Variants in CNTNAP5 observed in about 807,000 individuals in gnomAD.
The protein encoded by CNTNAP5 is contactin associated protein family member 5.
CNTNAP5 carries 72 observed loss-of-function variants against 150.2 expected under a neutral mutation model. The observed-to-expected ratio is 0.48, with a 90% confidence interval of 0.40 to 0.58. The LOEUF (loss-of-function observed/expected upper bound fraction) is 0.58. Among genes scored for constraint, CNTNAP5 ranks in the 20% least tolerant of loss-of-function variants. The pLI, the probability that CNTNAP5 is intolerant of heterozygous loss-of-function variation, is 0.00. For missense variants in CNTNAP5, 1,636 were observed against 1,626.2 expected, an observed-to-expected ratio of 1.01 and a Z score of -0.10; for synonymous variants, 672 against 619.8, an observed-to-expected ratio of 1.08 and a Z score of -1.25.
chr2:124,028,360 G>A (rs17010737), intron 1 of CNTNAP5, among the ~76,000 whole-genome samples: 19,704 of 151,920 alleles, frequency 0.13, 1,357 homozygotes, highest in East Asian at 0.26. Context: ...TAATCTGACC[G>A]AAACCTGGGC....
chr2:124,527,667 T>G (rs936701196), intron 10 of CNTNAP5, among the ~76,000 whole-genome samples: 3 of 152,226 alleles, frequency 2.0e-5, no homozygotes, highest in African/African-American at 7.2e-5. Context: ...TGACTTGCAG[T>G]AAATGGGATA....
intron 13 of CNTNAP5, among the ~76,000 whole-genome samples, chr2:124,675,785 A>T (rs1678927343): frequency 6.6e-6 from 1 of 151,972 alleles, no homozygotes. Flanking sequence ...TTCTTTAGAG[A>T]TATTTTTATT....
At chr2:124,070,908 C>CA (rs1175045470) in intron 1 of CNTNAP5, among the ~76,000 whole-genome samples, 1 of 151,958 alleles carries the variant, frequency 6.6e-6, no homozygotes, top group Admixed American at 6.6e-5. Flanking sequence ...TTCTTCTCCT[C>CA]AGCACACAGA....
chr2:124,651,205 G>A (rs780362210), intron 13 of CNTNAP5, among the ~76,000 whole-genome samples: 1 of 152,132 alleles, frequency 6.6e-6, no homozygotes, highest in Non-Finnish European at 1.5e-5. Flanking sequence ...TAGCCTACTG[G>A]CTATTGCTAA....
At chr2:124,838,522 T>A (rs1365817409) in intron 19 of CNTNAP5, among the ~76,000 whole-genome samples, 1 of 152,180 alleles carries the variant, frequency 6.6e-6, no homozygotes, top group Non-Finnish European at 1.5e-5. Context: ...TTTTGACTAG[T>A]CTTTCAGCTG....
intron 1 of CNTNAP5, among the ~76,000 whole-genome samples, chr2:124,177,461 C>G (rs1157807577): frequency 6.6e-6 from 1 of 152,044 alleles, no homozygotes; most frequent in Non-Finnish European, 1.5e-5. Context: ...TTAGGTAGAA[C>G]AGGTCTGGAC....
intron 13 of CNTNAP5, among the ~76,000 whole-genome samples, chr2:124,740,346 C>A (rs1171086975): frequency 2.0e-5 from 3 of 151,962 alleles, no homozygotes; most frequent in Non-Finnish European, 4.4e-5. Flanking sequence ...TAAGTGGCAT[C>A]GAGACTTAAA....
At chr2:124,739,157 C>T (rs1008443210) in intron 13 of CNTNAP5, among the ~76,000 whole-genome samples, 1 of 152,104 alleles carries the variant, frequency 6.6e-6, no homozygotes, top group African/African-American at 2.4e-5. Flanking sequence ...CTCTCTCTTT[C>T]TGGCTCACTT....
chr2:124,602,338 CAAAAAAAA>C (rs35316532), intron 11 of CNTNAP5, among the ~76,000 whole-genome samples: 6 of 89,792 alleles, frequency 6.7e-5, no homozygotes, highest in Admixed American at 2.8e-4. Context: ...AAGACTTCAC[CAAAAAAAA>C]AAAAAAAAAA....
chr2:124,306,719 C>CTTTTTTTTTTTTTTTTTTTTTTTTTTTT (rs762901729), intron 3 of CNTNAP5, among the ~76,000 whole-genome samples: 1 of 64,336 alleles, frequency 1.6e-5, no homozygotes, highest in Non-Finnish European at 2.8e-5. Context: ...CTCTCTCTTT[C>CTTTTTTTTTTTTTTTTTTTTTTTTTTTT]TTTTTTTTTT....
At chr2:124,206,852 C>A (rs1438741656) in intron 1 of CNTNAP5, among the ~76,000 whole-genome samples, 2 of 152,084 alleles carry the variant, frequency 1.3e-5, no homozygotes, top group Non-Finnish European at 2.9e-5. Context: ...AGGGAGATGA[C>A]CAAGGTAGGA....
At chr2:124,222,748 C>T (rs1686357029) in intron 2 of CNTNAP5, among the ~76,000 whole-genome samples, 1 of 149,982 alleles carries the variant, frequency 6.7e-6, no homozygotes, top group Admixed American at 6.7e-5. Flanking sequence ...TTTTTACACG[C>T]TAACTAATTT....
intron 12 of CNTNAP5, among the ~76,000 whole-genome samples, chr2:124,610,568 A>G (rs1677357222): frequency 6.6e-6 from 1 of 152,218 alleles, no homozygotes; most frequent in Non-Finnish European, 1.5e-5. Context: ...ACATGGTAAG[A>G]GGCAATCATT....
intron 19 of CNTNAP5, among the ~76,000 whole-genome samples, chr2:124,815,303 A>G (rs1418123107): frequency 1.3e-5 from 2 of 152,224 alleles, no homozygotes; most frequent in Non-Finnish European, 2.9e-5. Flanking sequence ...AATCCTCGGT[A>G]ATCTCTCTCC....
chr2:124,258,821 A>G (rs1482884277), intron 3 of CNTNAP5, among the ~76,000 whole-genome samples: 1 of 152,052 alleles, frequency 6.6e-6, no homozygotes, highest in Non-Finnish European at 1.5e-5. Flanking sequence ...ACATTAAACA[A>G]TCTCGAATAA....
intron 13 of CNTNAP5, among the ~76,000 whole-genome samples, chr2:124,649,599 C>A (rs1330124716): frequency 6.6e-6 from 1 of 152,148 alleles, no homozygotes; most frequent in African/African-American, 2.4e-5. Context: ...GCCTCACTGT[C>A]CCTGGCCTTA....
At chr2:124,886,723 C>T (rs555568906) in intron 21 of CNTNAP5, among the ~76,000 whole-genome samples, 1 of 152,138 alleles carries the variant, frequency 6.6e-6, no homozygotes, top group East Asian at 1.9e-4. Flanking sequence ...CATGTAAACA[C>T]AAGTGTGAAT....
intron 6 of CNTNAP5, among the ~76,000 whole-genome samples, chr2:124,455,035 T>A: frequency 6.6e-6 from 1 of 150,664 alleles, no homozygotes; most frequent in South Asian, 2.1e-4. Context: ...AGAAAGGAAA[T>A]AACAAAGATC....
intron 21 of CNTNAP5, among the ~76,000 whole-genome samples, chr2:124,879,106 G>A (rs1026828736): frequency 2.6e-5 from 4 of 152,044 alleles, no homozygotes; most frequent in Non-Finnish European, 4.4e-5. Context: ...GTTATACTTT[G>A]TGAGTCAGTC....
Sources: gnomAD v4.1 joint callset for allele counts (sites outside exome capture counted in the v4.1 genomes callset) on GRCh38, gnomAD v4.1.1 for gene constraint, MANE v1.5 for transcripts, NCBI Gene and HGNC (gene_info 2026-07-23, HGNC 2026-07-21) for gene names.